Variants in TRPM4 observed in about 807,000 individuals in gnomAD.
TRPM4 encodes calcium-activated non-selective cation channel 1.
TRPM4 carries 124 observed loss-of-function variants against 135.6 expected under a neutral mutation model. That is an observed-to-expected ratio of 0.91 (90% CI 0.79 to 1.06). The LOEUF is 1.06. Among genes scored for constraint, TRPM4 ranks in the 50% least tolerant of loss-of-function variants. The pLI is 0.00. For synonymous variants in TRPM4, 745 were observed against 705.6 expected, an observed-to-expected ratio of 1.06 and a Z score of -0.88; for missense variants, 1,658 against 1,671.4, an observed-to-expected ratio of 0.99 and a Z score of 0.14.
chr19:49,166,286 G>T (rs1217065278), intron 3 of TRPM4, 71 bp downstream of exon 3: 3 of 1,471,988 alleles, frequency 2.0e-6, no homozygotes, highest in East Asian at 2.5e-5. Context: ...GAGTGGAGCC[G>T]GGACGCCCGC....
intron 9 of TRPM4, among the ~76,000 whole-genome samples, chr19:49,173,570 A>C (rs528199030): frequency 3.9e-5 from 6 of 152,306 alleles, no homozygotes; most frequent in African/African-American, 1.4e-4. Context: ...CAGATATTTC[A>C]CTAGAAATGG....
At chr19:49,206,173 G>A (rs1969144220) in intron 20 of TRPM4, among the ~76,000 whole-genome samples, 2 of 151,758 alleles carry the variant, frequency 1.3e-5, no homozygotes. Flanking sequence ...ATGTTGGCCA[G>A]GCTAGTCTTG....
intron 2 of TRPM4, among the ~76,000 whole-genome samples, chr19:49,161,774 C>T (rs1018965236): frequency 1.3e-5 from 2 of 152,078 alleles, no homozygotes; most frequent in African/African-American, 4.8e-5. Context: ...GGATTACAGG[C>T]ACCCACCATC....
chr19:49,181,239 C>G (rs2122912674), intron 9 of TRPM4, 110 bp from the exon 10 acceptor site: 2 of 823,252 alleles, frequency 2.4e-6, no homozygotes, highest in East Asian at 2.5e-5. Flanking sequence ...AGTAGCAACC[C>G]CTTTATGCAG....
intron 11 of TRPM4, 27 bp downstream of exon 11, chr19:49,182,949 C>G (rs368929559): frequency 6.3e-7 from 1 of 1,581,438 alleles, no homozygotes. Context: ...GCTGGGGGGC[C>G]CCCCCGCGCG....
At position 49,158,220 on chromosome 19, in the gene TRPM4, A is replaced by C. The variant is rs2041554311; in HGVS notation, c.53A>C (p.Lys18Thr). 1.9e-6 allele frequency: 3 copies of C among 1,613,714 alleles called. No homozygotes were observed. The highest frequency in any genetic ancestry group is 2.5e-6 in the Non-Finnish European group (3 of 1,179,948). Residue 18 changes from lysine to threonine, a missense_variant, in exon 2 of 25, where the codon AAG becomes ACG. Coordinates refer to ENST00000252826, the MANE Select transcript of TRPM4 (RefSeq NM_017636.4). Reference sequence around the variant, plus strand: ...TGGATCCCCAAGATCTTCAAGAAGAAGACCTGCACGACGTTCATAGTTGAC... The same window carrying C: ...TGGATCCCCAAGATCTTCAAGAAGACGACCTGCACGACGTTCATAGTTGAC... ...QSWIPKIFKKKTCTTFIVDST... is the reference protein window; with the variant it reads ...QSWIPKIFKKTTCTTFIVDST...
intron 16 of TRPM4, 74 bp from the exon 17 acceptor site, chr19:49,196,366 G>T (rs1041267374): frequency 7.2e-7 from 1 of 1,383,902 alleles, no homozygotes. Context: ...CAAGCCAAAA[G>T]TCTCGATGAT....
chr19:49,186,946 G>A (rs1968218783), intron 12 of TRPM4, among the ~76,000 whole-genome samples: 1 of 151,866 alleles, frequency 6.6e-6, no homozygotes, highest in African/African-American at 2.4e-5. Flanking sequence ...CTCTAAGGCA[G>A]GTGAAGCAAA....
Position 49,164,727 on chromosome 19 carries a change from T to G in TRPM4, c.93-1314T>G, listed in dbSNP as rs926307449. Among the ~76,000 whole-genome samples, 2 of 146,142 alleles carry G rather than the reference T, an allele frequency of 1.4e-5. 1 individual carries two copies. Among genetic ancestry groups the G allele is most frequent in the Middle Eastern group, 7.4e-3 (2 of 272 alleles). ...GCTTGCTTGCTTGCTTGCTTGCTTT[T>G]CTTTCCTTCTTTTCTTTTTTTTGAA... On this transcript the variant is annotated intron_variant, in intron 2 of 24. Transcript: ENST00000252826.
In TRPM4 at chr19:49,168,247, G is replaced by A. The variant is rs759765802; in HGVS notation, c.449-13G>A. 3.1e-6 allele frequency: 5 copies of A among 1,613,874 alleles called. No homozygotes were observed. Among genetic ancestry groups the A allele is most frequent in the South Asian group, 2.2e-5 (2 of 91,086 alleles). The stretch of plus-strand genomic sequence containing the variant: ...CTCCCCCTGCCTCTGCATGTTCCTC[G>A]GCGTCTGTGTAGGAGCCTGGATTGT... On this transcript the variant is annotated splice_polypyrimidine_tract_variant and intron_variant, in intron 4 of 24. Coordinates refer to ENST00000252826, the MANE Select transcript of TRPM4 (RefSeq NM_017636.4).
intron 2 of TRPM4, among the ~76,000 whole-genome samples, chr19:49,164,229 C>T (rs1407207177): frequency 1.4e-5 from 2 of 143,838 alleles, no homozygotes; most frequent in Admixed American, 1.4e-4. Flanking sequence ...CTTTTCTTTT[C>T]TCTCTCTCTT....
At chr19:49,160,946 T>A (rs1966937957) in intron 2 of TRPM4, among the ~76,000 whole-genome samples, 1 of 151,888 alleles carries the variant, frequency 6.6e-6, no homozygotes, top group Non-Finnish European at 1.5e-5. Context: ...CCGCCATCGG[T>A]GGATGGCTCC....
At chr19:49,209,644 T>G (rs1969273614) in intron 20 of TRPM4, among the ~76,000 whole-genome samples, 1 of 152,122 alleles carries the variant, frequency 6.6e-6, no homozygotes, top group Non-Finnish European at 1.5e-5. Context: ...CCAGGCTAAC[T>G]TTGGAGCCCA....
chr19:49,196,844 T>C lies in TRPM4; in HGVS notation c.2615T>C (p.Leu872Pro). Reference sequence around the variant, plus strand: ...TGGAACCAGTGCGACCTAGTGGCTCTCACCTGCTTCCTCCTGGGCGTGGGC... The same window carrying C: ...TGGAACCAGTGCGACCTAGTGGCTCCCACCTGCTTCCTCCTGGGCGTGGGC... ...DSWNQCDLVA[L>P]TCFLLGVGCR... The change falls in exon 17 of 25, where the codon CTC becomes CCC. Residue 872 changes from leucine (L) to proline (P), a missense_variant. Transcript: ENST00000252826. 6.3e-7 allele frequency: 1 copy of C among 1,589,390 alleles called. No homozygotes were observed. Among genetic ancestry groups the C allele is most frequent in the South Asian group, 1.1e-5 (1 of 88,946 alleles).
intron 3 of TRPM4, among the ~76,000 whole-genome samples, chr19:49,166,681 A>T (rs796596711): frequency 8.0e-5 from 7 of 87,312 alleles, no homozygotes; most frequent in Non-Finnish European, 9.0e-5. Context: ...TCTGTGGGTC[A>T]CTGTCCTCAT....
At chr19:49,200,251 C>T in intron 17 of TRPM4, 49 bp from the exon 18 acceptor site, 1 of 1,614,014 alleles carries the variant, frequency 6.2e-7, no homozygotes, top group Non-Finnish European at 8.5e-7. Context: ...TTCCATTTTC[C>T]TTGGCGTCTT....
chr19:49,166,273 C>T (rs1262484189), intron 3 of TRPM4, 58 bp downstream of exon 3: 1 of 1,518,992 alleles, frequency 6.6e-7, no homozygotes, highest in East Asian at 2.4e-5. Context: ...GCTCGGGGCT[C>T]CAGAGTGGAG....
chr19:49,179,246 G>A lies in TRPM4; in HGVS notation c.1151-2103G>A, dbSNP rs1967821811. ...AATTTTGTATTTTTAGCAGAGACGA[G>A]GTTTCTCCATGTTGGTCAGGCTGGT... On this transcript the variant is annotated intron_variant, in intron 9 of 24. Coordinates refer to ENST00000252826, the MANE Select transcript of TRPM4 (RefSeq NM_017636.4). Among the ~76,000 whole-genome samples, 3 of 151,564 alleles carry A rather than the reference G, an allele frequency of 2.0e-5. No homozygotes were observed. In the South Asian group the frequency reaches 6.2e-4, roughly 32 times the overall value.
intron 3 of TRPM4, 76 bp downstream of exon 3, chr19:49,166,291 G>A (rs551113855): frequency 2.6e-5 from 38 of 1,460,094 alleles, no homozygotes; most frequent in East Asian, 2.2e-4. Context: ...GAGCCGGGAC[G>A]CCCGCCCTGA....
Sources: gnomAD v4.1 joint callset for allele counts (sites outside exome capture counted in the v4.1 genomes callset) on GRCh38, gnomAD v4.1.1 for gene constraint, MANE v1.5 for transcripts, NCBI Gene and HGNC (gene_info 2026-07-23, HGNC 2026-07-21) for gene names.